The following SEMA3A variants were observed in gnomAD, a reference collection of about 807,000 sequenced individuals.
SEMA3A encodes semaphorin 3A.
A neutral mutation model predicts 97.9 loss-of-function variants in SEMA3A; 29 were observed. The ratio of observed to expected loss-of-function variants is 0.30; its 90% confidence interval spans 0.22 to 0.40. SEMA3A has a LOEUF of 0.40. SEMA3A is among the 10% of genes least tolerant of loss of function. The pLI is 1.00. For missense variants in SEMA3A, 763 were observed against 951.3 expected, an observed-to-expected ratio of 0.80 and a Z score of 2.60; for synonymous variants, 321 against 323.7, an observed-to-expected ratio of 0.99 and a Z score of 0.09.
chr7:83,981,547 G>T, intron 13 of SEMA3A, 69 bp from the exon 14 acceptor site: 1 of 1,284,594 alleles, frequency 7.8e-7, no homozygotes, highest in Non-Finnish European at 1.0e-6. Flanking sequence ...TCTTAAAAAA[G>T]AGTTTATTTA....
At chr7:84,071,217 G>C (rs1048881185) in intron 4 of SEMA3A, among the ~76,000 whole-genome samples, 47 of 152,086 alleles carry the variant, frequency 3.1e-4, no homozygotes, top group Non-Finnish European at 5.6e-4. Flanking sequence ...CATATGGCTA[G>C]TGGCTTCCAT....
chr7:84,052,963 G>A (rs1255274374), intron 5 of SEMA3A, among the ~76,000 whole-genome samples: 14 of 150,764 alleles, frequency 9.3e-5, no homozygotes, highest in African/African-American at 9.8e-5. Context: ...CCTTCATTTC[G>A]TTATGTACCC....
chr7:83,986,990 C>A (rs199504755), intron 12 of SEMA3A, among the ~76,000 whole-genome samples: 17 of 149,950 alleles, frequency 1.1e-4, no homozygotes, highest in Non-Finnish European at 2.4e-4. Flanking sequence ...ACACACACAC[C>A]CACACGCACA....
intron 2 of SEMA3A, among the ~76,000 whole-genome samples, chr7:84,331,201 G>C (rs554260781): frequency 7.1e-4 from 108 of 152,066 alleles, no homozygotes; most frequent in African/African-American, 2.5e-3. Context: ...AAGAACTTTA[G>C]GGTATCAAAA....
intron 10 of SEMA3A, 80 bp downstream of exon 10, chr7:84,007,273 T>C: frequency 8.7e-7 from 1 of 1,144,566 alleles, no homozygotes; most frequent in Non-Finnish European, 1.2e-6. Context: ...ATACATTTAA[T>C]ATCTGTCTGT....
intron 1 of SEMA3A, among the ~76,000 whole-genome samples, chr7:84,461,252 A>C (rs1024637350): frequency 1.3e-5 from 2 of 152,162 alleles, no homozygotes; most frequent in African/African-American, 2.4e-5. Context: ...CTTATGTTTC[A>C]GTCATTTACA....
intron 3 of SEMA3A, among the ~76,000 whole-genome samples, chr7:84,268,504 C>G (rs1251716947): frequency 6.6e-6 from 1 of 151,912 alleles, no homozygotes; most frequent in African/African-American, 2.4e-5. Flanking sequence ...TTCAGTAGAG[C>G]CTAAAGCAAA....
chr7:84,265,696 A>G (rs533000059), intron 3 of SEMA3A, among the ~76,000 whole-genome samples: 1 of 151,930 alleles, frequency 6.6e-6, no homozygotes, highest in Non-Finnish European at 1.5e-5. Flanking sequence ...CTCCTTTCAC[A>G]GTAGTTCTGT....
chr7:84,014,429 T>C, intron 6 of SEMA3A, 78 bp from the exon 7 acceptor site: 1 of 1,093,110 alleles, frequency 9.1e-7, no homozygotes, highest in Non-Finnish European at 1.3e-6. Flanking sequence ...ATTTTTACTT[T>C]TTTTAACTCT....
intron 1 of SEMA3A, among the ~76,000 whole-genome samples, chr7:84,185,894 C>A (rs1021686116): frequency 6.6e-6 from 1 of 151,816 alleles, no homozygotes; most frequent in Admixed American, 6.6e-5. Context: ...TAGATAAATT[C>A]CAAAAAAGAA....
At chr7:84,451,347 G>A (rs1469204622) in intron 1 of SEMA3A, among the ~76,000 whole-genome samples, 1 of 152,108 alleles carries the variant, frequency 6.6e-6, no homozygotes, top group Non-Finnish European at 1.5e-5. Context: ...ACTTCCACCA[G>A]TATTCAAGGT....
At chr7:84,470,892 G>A (rs986442543) in intron 1 of SEMA3A, among the ~76,000 whole-genome samples, 13 of 151,874 alleles carry the variant, frequency 8.6e-5, no homozygotes, top group African/African-American at 3.1e-4. Flanking sequence ...GATTTCACAT[G>A]TAAAGTTATT....
chr7:84,021,724 C>A (rs1791336535), intron 6 of SEMA3A, among the ~76,000 whole-genome samples: 1 of 152,090 alleles, frequency 6.6e-6, no homozygotes, highest in South Asian at 2.1e-4. Flanking sequence ...GTGCATAGTT[C>A]CCAAATGACT....
chr7:84,445,906 A>C (rs1189028509), intron 1 of SEMA3A, among the ~76,000 whole-genome samples: 1 of 152,064 alleles, frequency 6.6e-6, no homozygotes, highest in African/African-American at 2.4e-5. Context: ...AAAAGCAATA[A>C]AACCAAAAGT....
chr7:84,302,661 A>G (rs1172367753), intron 3 of SEMA3A, among the ~76,000 whole-genome samples: 4 of 152,184 alleles, frequency 2.6e-5, no homozygotes, highest in Admixed American at 2.0e-4. Flanking sequence ...TTTGTTCACG[A>G]AAACAAAAAT....
At chr7:84,020,800 A>G (rs73185435) in intron 6 of SEMA3A, among the ~76,000 whole-genome samples, 7,806 of 152,232 alleles carry the variant, frequency 0.051, 293 homozygotes, top group East Asian at 0.18. Flanking sequence ...ATTATTTTAC[A>G]GTAATATTTT....
intron 14 of SEMA3A, among the ~76,000 whole-genome samples, chr7:83,979,123 A>G (rs534402402): frequency 1.1e-4 from 16 of 151,272 alleles, no homozygotes; most frequent in Non-Finnish European, 2.1e-4. Context: ...TAGTTCAAAC[A>G]CGAATTCCAC....
intron 3 of SEMA3A, among the ~76,000 whole-genome samples, chr7:84,214,990 C>G (rs1219288556): frequency 6.6e-6 from 1 of 151,514 alleles, no homozygotes; most frequent in African/African-American, 2.4e-5. Context: ...GCGTGAGCTA[C>G]CACACCCAGT....
chr7:84,413,756 A>G (rs1804346552), intron 1 of SEMA3A, among the ~76,000 whole-genome samples: 1 of 152,122 alleles, frequency 6.6e-6, no homozygotes, highest in Non-Finnish European at 1.5e-5. Flanking sequence ...ACTTTATTCT[A>G]TTTCTTTGTT....
Sources: allele counts gnomAD v4.1 joint callset (sites outside exome capture counted in the v4.1 genomes callset), GRCh38; gene constraint gnomAD v4.1.1; transcripts MANE v1.5; gene names NCBI Gene and HGNC (gene_info 2026-07-23, HGNC 2026-07-21).